TMEM114: variants seen among roughly 807,000 people sequenced by gnomAD.
TMEM114 encodes the protein transmembrane protein 114.
A neutral mutation model predicts 6.2 loss-of-function variants in TMEM114; 6 were observed. That is an observed-to-expected ratio of 0.97 (90% CI 0.53 to 1.91). The LOEUF is 1.91. Ranked by LOEUF, TMEM114 falls within the 40% of genes most tolerant of loss-of-function variation. The pLI is 0.01. For synonymous variants in TMEM114, 104 were observed against 73.0 expected, an observed-to-expected ratio of 1.42 and a Z score of -2.16; for missense variants, 218 against 158.3, an observed-to-expected ratio of 1.38 and a Z score of -2.02.
chr16:8,544,799 A>G (rs1311798832), intron 2 of TMEM114, among the ~76,000 whole-genome samples: 1 of 152,178 alleles, frequency 6.6e-6, no homozygotes, highest in Non-Finnish European at 1.5e-5. Flanking sequence ...GTTCAACCCA[A>G]TCAAATTTAC....
chr16:8,556,168 A>G lies in TMEM114; in HGVS notation n.213-18342T>C, dbSNP rs543305259. On this transcript the variant is annotated intron_variant and non_coding_transcript_variant, in intron 2 of 2. Transcript: ENST00000623677. ...TCTACCTCGTAAATGCCAAGTCTGA[A>G]TTCTTCTCTCCTTCCCGCCAGCTCT... is the stretch of plus-strand genomic sequence containing the variant. Among the ~76,000 whole-genome samples, 4 of 152,172 alleles carry G rather than the reference A, an allele frequency of 2.6e-5. No individual in the cohort carries two copies. The South Asian group carries it at 6.2e-4, about 24-fold the overall frequency.
intron 2 of TMEM114, among the ~76,000 whole-genome samples, chr16:8,551,437 T>C (rs1018588505): frequency 4.6e-5 from 7 of 152,178 alleles, no homozygotes; most frequent in Non-Finnish European, 5.9e-5. Context: ...AAAAATAATA[T>C]TTAACATTAA....
intron 2 of TMEM114, among the ~76,000 whole-genome samples, chr16:8,581,433 A>G (rs993720143): frequency 6.6e-6 from 1 of 152,204 alleles, no homozygotes; most frequent in East Asian, 1.9e-4. Context: ...TAGAAGACTC[A>G]CATGGCCGAT....
intron 2 of TMEM114, among the ~76,000 whole-genome samples, chr16:8,540,091 T>C (rs1364772489): frequency 6.6e-6 from 1 of 152,222 alleles, no homozygotes; most frequent in Non-Finnish European, 1.5e-5. Flanking sequence ...CCCAAAGTGC[T>C]GGGATTACAG....
intron 2 of TMEM114, among the ~76,000 whole-genome samples, chr16:8,586,684 AT>A (rs1902333253): frequency 6.6e-6 from 1 of 151,912 alleles, no homozygotes; most frequent in Non-Finnish European, 1.5e-5. Context: ...TAATTTTTGT[AT>A]TTTTAGTAGA....
intron 2 of TMEM114, among the ~76,000 whole-genome samples, chr16:8,560,906 A>T (rs533504235): frequency 8.5e-5 from 13 of 152,220 alleles, no homozygotes; most frequent in Non-Finnish European, 1.6e-4. Flanking sequence ...ATGGACTCAC[A>T]GTTCCACGTG....
intron 2 of TMEM114, among the ~76,000 whole-genome samples, chr16:8,545,944 A>C (rs1900652950): frequency 6.6e-6 from 1 of 152,024 alleles, no homozygotes; most frequent in South Asian, 2.1e-4. Context: ...GCAAGACCCT[A>C]TCTCTACAGA....
intron 2 of TMEM114, among the ~76,000 whole-genome samples, chr16:8,588,792 C>A (rs979483185): frequency 1.3e-5 from 2 of 152,226 alleles, no homozygotes; most frequent in African/African-American, 4.8e-5. Context: ...GGCATGGAAT[C>A]TGTGGAATGA....
At chr16:8,554,237 G>A (rs1900935733) in intron 2 of TMEM114, among the ~76,000 whole-genome samples, 1 of 146,402 alleles carries the variant, frequency 6.8e-6, no homozygotes, top group Non-Finnish European at 1.5e-5. Flanking sequence ...CCTGCAAACA[G>A]ATGAGGTCAT....
chr16:8,542,513 G>T (rs1900545437), intron 2 of TMEM114, among the ~76,000 whole-genome samples: 1 of 152,194 alleles, frequency 6.6e-6, no homozygotes, highest in South Asian at 2.1e-4. Flanking sequence ...GATTGAGCTA[G>T]ACCTGCTTTT....
At chr16:8,556,517 T>C (rs938014856) in intron 2 of TMEM114, among the ~76,000 whole-genome samples, 5 of 151,556 alleles carry the variant, frequency 3.3e-5, no homozygotes, top group African/African-American at 1.2e-4. Flanking sequence ...TGTTGTTGTT[T>C]TGAGATGGAG....
chr16:8,531,684 G>T, the TMEM114 span, among the ~76,000 whole-genome samples: 1 of 152,224 alleles, frequency 6.6e-6, no homozygotes, highest in African/African-American at 2.4e-5. Flanking sequence ...GAAGTGACCA[G>T]TGTAACATTC....
downstream of TMEM114, among the ~76,000 whole-genome samples, chr16:8,567,204 C>T (rs947483867): frequency 1.2e-4 from 19 of 152,022 alleles, no homozygotes; most frequent in Admixed American, 5.9e-4. Flanking sequence ...CCATGGCGCC[C>T]GGCCTCATCA....
At chr16:8,557,347 C>T (rs1365421508) in intron 2 of TMEM114, among the ~76,000 whole-genome samples, 3 of 152,226 alleles carry the variant, frequency 2.0e-5, no homozygotes, top group African/African-American at 4.8e-5. Context: ...ACCATATTGT[C>T]AGGAAGCCCA....
At chr16:8,571,634 G>C (rs904548153) in intron 3 of TMEM114, among the ~76,000 whole-genome samples, 5 of 111,076 alleles carry the variant, frequency 4.5e-5, no homozygotes, top group Non-Finnish European at 1.7e-5. Context: ...CTGTGAATTT[G>C]ACTCTTCTAG....
intron 2 of TMEM114, among the ~76,000 whole-genome samples, chr16:8,558,344 C>G (rs546401241): frequency 6.6e-6 from 1 of 152,284 alleles, no homozygotes; most frequent in Admixed American, 6.5e-5. Flanking sequence ...TTTGCCTATT[C>G]CAGCTCCTGG....
At chr16:8,584,232 C>T (rs1455215590) in intron 2 of TMEM114, among the ~76,000 whole-genome samples, 1 of 152,164 alleles carries the variant, frequency 6.6e-6, no homozygotes, top group Non-Finnish European at 1.5e-5. Context: ...CCAGTGATTT[C>T]TTTTTTTATT....
At chr16:8,553,962 T>C (rs1208434194) in intron 2 of TMEM114, among the ~76,000 whole-genome samples, 1 of 151,582 alleles carries the variant, frequency 6.6e-6, no homozygotes. Context: ...CACTGCAACC[T>C]CTGGCTCCCA....
chr16:8,552,885 G>C (rs1267081454), intron 2 of TMEM114, among the ~76,000 whole-genome samples: 5 of 152,056 alleles, frequency 3.3e-5, no homozygotes, highest in Admixed American at 6.6e-5. Flanking sequence ...GGCCCACCGA[G>C]CTGTGATTCT....
Sources: allele counts gnomAD v4.1 joint callset (sites outside exome capture counted in the v4.1 genomes callset), GRCh38; gene constraint gnomAD v4.1.1; transcripts MANE v1.5; gene names NCBI Gene and HGNC (gene_info 2026-07-23, HGNC 2026-07-21).